Variants in GPC6 observed in about 807,000 individuals in gnomAD.
GPC6 encodes glypican-6.
In GPC6, 14 loss-of-function variants were observed where a neutral mutation model predicts 55.2. The observed-to-expected ratio is 0.25, with a 90% confidence interval of 0.17 to 0.40. The LOEUF (loss-of-function observed/expected upper bound fraction) is 0.40, where lower values mean the gene tolerates loss of function less well. GPC6 is among the 10% of genes least tolerant of loss of function. The probability of loss-of-function intolerance (pLI) is 1.00; values close to 1 mark genes in which losing one functional copy is unlikely to be tolerated. For synonymous variants in GPC6, 278 were observed against 259.6 expected (o/e 1.07, Z -0.68); for missense variants, 641 against 708.5 (o/e 0.90, Z 1.08).
In GPC6 at chr13:94,021,624, TA is replaced by T. The variant is rs377503101; in HGVS notation, c.712-6095del. Among the ~76,000 whole-genome samples the T allele has an allele frequency of 1.3e-3, 187 of 149,248 alleles. 2 individuals carry two copies. The East Asian group carries it at 0.023, about 19-fold the overall frequency. ...GTTTCAATGTGTTGCACTTTAGCCA[TA>T]AAAAAAAAATTAGTGAGTTTCCAAA... On this transcript the variant is annotated intron_variant, in intron 3 of 8. Coordinates refer to ENST00000377047, the MANE Select transcript of GPC6 (RefSeq NM_005708.5).
intron 6 of GPC6, among the ~76,000 whole-genome samples, chr13:94,343,461 T>C (rs7318977): frequency 0.27 from 40,758 of 152,108 alleles, 5,852 homozygotes; most frequent in Middle Eastern, 0.39. Flanking sequence ...GTAATCCAGA[T>C]ACAGGGACAG....
At chr13:93,672,658 C>CATAT (rs145132164) in intron 2 of GPC6, among the ~76,000 whole-genome samples, 12 of 148,958 alleles carry the variant, frequency 8.1e-5, no homozygotes, top group South Asian at 4.2e-4. Flanking sequence ...ATATATATGC[C>CATAT]ATATATATAT....
At chr13:93,610,449 C>G (rs988784906) in intron 2 of GPC6, among the ~76,000 whole-genome samples, 1 of 152,076 alleles carries the variant, frequency 6.6e-6, no homozygotes, top group African/African-American at 2.4e-5. Flanking sequence ...CACTATGATT[C>G]GTACTGTGAT....
chr13:93,930,764 A>G (rs184238879), intron 3 of GPC6, among the ~76,000 whole-genome samples: 37 of 152,064 alleles, frequency 2.4e-4, no homozygotes, highest in African/African-American at 8.5e-4. Flanking sequence ...ATGGGCACAG[A>G]GTATATAAGT....
chr13:94,388,538 C>A (rs570524588), intron 7 of GPC6, among the ~76,000 whole-genome samples: 1 of 152,336 alleles, frequency 6.6e-6, no homozygotes, highest in African/African-American at 2.4e-5. Context: ...CATTTTGATA[C>A]ATGGCAAGGA....
intron 3 of GPC6, among the ~76,000 whole-genome samples, chr13:93,932,340 G>C (rs1398237560): frequency 6.6e-6 from 1 of 152,058 alleles, no homozygotes; most frequent in African/African-American, 2.4e-5. Flanking sequence ...TGCAGTAAAA[G>C]AATATTTGTT....
chr13:93,290,046 A>G (rs1202283752), intron 1 of GPC6, among the ~76,000 whole-genome samples: 1 of 152,162 alleles, frequency 6.6e-6, no homozygotes, highest in Non-Finnish European at 1.5e-5. Flanking sequence ...AGGATTACTC[A>G]TTTTTGTTTC....
upstream of GPC6, among the ~76,000 whole-genome samples, chr13:93,224,267 T>C (rs561068247): frequency 3.4e-5 from 5 of 146,622 alleles, no homozygotes; most frequent in Non-Finnish European, 7.4e-5. Flanking sequence ...CGATCTCGCC[T>C]CACCGCAACC....
chr13:93,785,535 T>G (rs1885792983), intron 2 of GPC6, among the ~76,000 whole-genome samples: 1 of 152,216 alleles, frequency 6.6e-6, no homozygotes, highest in Non-Finnish European at 1.5e-5. Flanking sequence ...AGCATCAATT[T>G]CGTAGATAGC....
At chr13:93,450,736 T>TA in intron 1 of GPC6, 7 of 972,678 alleles carry the variant, frequency 7.2e-6, no homozygotes, top group Non-Finnish European at 8.6e-6. Context: ...TTTCATAAAA[T>TA]ACAGTTTAAG....
At chr13:93,394,098 C>T (rs1209790267) in intron 1 of GPC6, among the ~76,000 whole-genome samples, 1 of 152,178 alleles carries the variant, frequency 6.6e-6, no homozygotes, top group Non-Finnish European at 1.5e-5. Flanking sequence ...CGAAATTGCT[C>T]CTGCAAGGAT....
At chr13:94,381,347 C>T (rs1017435383) in intron 6 of GPC6, among the ~76,000 whole-genome samples, 14 of 152,114 alleles carry the variant, frequency 9.2e-5, no homozygotes, top group African/African-American at 1.2e-4. Flanking sequence ...AAGGTGTCGG[C>T]GGGGTTGGGT....
chr13:94,019,241 TA>T (rs1363917944), intron 3 of GPC6, among the ~76,000 whole-genome samples: 1 of 152,198 alleles, frequency 6.6e-6, no homozygotes, highest in Admixed American at 6.5e-5. Context: ...TGTCTTTACT[TA>T]TTATAGGTCT....
rs1486232829 is a variant in GPC6, at chr13:94,398,733, T to A, written c.1465+92T>A. The A allele has an allele frequency of 3.1e-6, 3 of 967,132 alleles. No individual in the cohort carries two copies. In the African/African-American group the frequency reaches 4.9e-5, roughly 16 times the overall value. 59.9% of individuals were successfully genotyped at this position (967,132 alleles called of 1,614,324 possible). On this transcript the variant is annotated intron_variant, in intron 8 of 8. Transcript: ENST00000377047. ...GACTTTCTTCAAGAGCAATATGCCC[T>A]TTTAATTTATTCTCATTCTTCCTCA...
chr13:93,746,362 A>G (rs1217582981), intron 2 of GPC6, among the ~76,000 whole-genome samples: 2 of 152,194 alleles, frequency 1.3e-5, no homozygotes, highest in Non-Finnish European at 2.9e-5. Flanking sequence ...ATGTCGGAGC[A>G]TACATACATT....
At chr13:94,090,538 C>G (rs756195041) in intron 4 of GPC6, among the ~76,000 whole-genome samples, 2 of 152,128 alleles carry the variant, frequency 1.3e-5, no homozygotes, top group African/African-American at 2.4e-5. Context: ...ATAAACTGGG[C>G]TGTCACTGCT....
chr13:93,422,586 C>T (rs905160067), intron 1 of GPC6, among the ~76,000 whole-genome samples: 1 of 152,018 alleles, frequency 6.6e-6, no homozygotes, highest in Non-Finnish European at 1.5e-5. Context: ...TTTTTCTTTG[C>T]GTATATTATT....
intron 4 of GPC6, among the ~76,000 whole-genome samples, chr13:94,079,819 C>T (rs1417115324): frequency 1.3e-5 from 2 of 152,178 alleles, no homozygotes; most frequent in African/African-American, 4.8e-5. Context: ...TTTAAGCTAC[C>T]TGGATGACAG....
At chr13:94,100,631 C>G (rs1885822353) in intron 4 of GPC6, among the ~76,000 whole-genome samples, 1 of 152,140 alleles carries the variant, frequency 6.6e-6, no homozygotes, top group Admixed American at 6.6e-5. Flanking sequence ...GGGATCTGAA[C>G]TTATTGAGCT....
Sources: allele counts gnomAD v4.1 joint callset (sites outside exome capture counted in the v4.1 genomes callset), GRCh38; gene constraint gnomAD v4.1.1; transcripts MANE v1.5; gene names NCBI Gene and HGNC (gene_info 2026-07-23, HGNC 2026-07-21).